The following SOS1 variants were observed in gnomAD, a reference collection of about 807,000 sequenced individuals.
SOS1 encodes the protein SOS Ras/Rac guanine nucleotide exchange factor 1.
Under a neutral mutation model 157.6 loss-of-function variants are expected in SOS1, and 25 were observed. That is an observed-to-expected ratio of 0.16 (90% confidence interval 0.12 to 0.22). The LOEUF is 0.22. Among genes scored for constraint, SOS1 ranks in the 10% least tolerant of loss-of-function variants. The pLI is 1.00. For synonymous variants in SOS1, 528 were observed against 534.0 expected, an observed-to-expected ratio of 0.99 and a Z score of 0.16; for missense variants, 1,237 against 1,599.1, an observed-to-expected ratio of 0.77 and a Z score of 3.86.
chr2:38,997,159 TTTTAC>T, intron 18 of SOS1, 89 bp downstream of exon 18: 1 of 1,138,440 alleles, frequency 8.8e-7, no homozygotes, highest in South Asian at 1.4e-5. Flanking sequence ...TTAAGGTTTA[TTTTAC>T]TTTTTCTCCC....
chr2:39,039,237 T>G (rs955991004), intron 6 of SOS1, among the ~76,000 whole-genome samples: 1 of 152,258 alleles, frequency 6.6e-6, no homozygotes, highest in Non-Finnish European at 1.5e-5. Flanking sequence ...ACTTGCTTTA[T>G]TGTGACATTC....
chr2:39,028,948 T>A (rs1558477492), intron 8 of SOS1, among the ~76,000 whole-genome samples: 1 of 152,254 alleles, frequency 6.6e-6, no homozygotes, highest in Non-Finnish European at 1.5e-5. Flanking sequence ...ACACTTGATT[T>A]ACTAGCCCTC....
chr2:39,101,950 G>GT (rs1558513806), intron 1 of SOS1, among the ~76,000 whole-genome samples: 1 of 151,964 alleles, frequency 6.6e-6, no homozygotes, highest in Non-Finnish European at 1.5e-5. Flanking sequence ...GCTCATGCCT[G>GT]TAATCCCAGC....
At chr2:39,001,391 C>G (rs1051982591) in intron 17 of SOS1, among the ~76,000 whole-genome samples, 6 of 152,188 alleles carry the variant, frequency 3.9e-5, no homozygotes, top group Non-Finnish European at 8.8e-5. Context: ...GCCCACCTAT[C>G]CATTCTCCTA....
chr2:39,087,447 C>T (rs1672420733), intron 1 of SOS1, among the ~76,000 whole-genome samples: 1 of 152,112 alleles, frequency 6.6e-6, no homozygotes, highest in African/African-American at 2.4e-5. Flanking sequence ...TGTCACAAAA[C>T]AATTAAACAC....
At chr2:38,987,392 G>A (rs1668588868) in intron 22 of SOS1, 81 bp downstream of exon 22, 2 of 751,794 alleles carry the variant, frequency 2.7e-6, no homozygotes, top group East Asian at 2.6e-5. Context: ...ACTTATCCTA[G>A]TGAGAACTAA....
At chr2:38,998,945 G>A (rs1422349810) in intron 17 of SOS1, among the ~76,000 whole-genome samples, 13 of 152,176 alleles carry the variant, frequency 8.5e-5, no homozygotes, top group Admixed American at 8.5e-4. Context: ...TGACCTCAGG[G>A]ATCCAGAGCT....
rs1010458513 is a variant in SOS1 at position 38,985,527 on chromosome 2, ATCACT to A, written c.*292_*296del. On this transcript the variant is annotated 3_prime_UTR_variant, in exon 23 of 23. Coordinates refer to ENST00000402219, the MANE Select transcript of SOS1 (RefSeq NM_005633.4). ...CCCTTTAATGATCACTTCACAAAAG[ATCACT>A]TCACAAAAAGAGGACTCCTGCCTAT... 2 of 380,564 alleles carry A rather than the reference ATCACT, an allele frequency of 5.3e-6. No homozygotes were observed. The highest frequency in any genetic ancestry group is 2.4e-5 in the South Asian group (1 of 40,960). The allele number at this position is 380,564 out of a possible 1,614,324, so 23.6% of individuals were successfully genotyped here.
chr2:39,076,548 A>C (rs1299983866), intron 1 of SOS1, among the ~76,000 whole-genome samples: 1 of 152,266 alleles, frequency 6.6e-6, no homozygotes, highest in Non-Finnish European at 1.5e-5. Flanking sequence ...TAAAAGGAGA[A>C]AAATGACAAT....
rs745490729 is a variant in SOS1, at chr2:39,035,312, T to TG, written c.976-3dup. 1.2e-6 allele frequency: 2 copies of TG among 1,612,710 alleles called. No individual in the cohort carries two copies. Among genetic ancestry groups the TG allele is most frequent in the African/African-American group, 2.7e-5 (2 of 74,862 alleles). ...TTCTTTGAAACCTTCGCCTATTGACTGGAAAAAAAAGTGATTTAATTTTTT... is the reference window on the plus strand; with the variant it reads ...TTCTTTGAAACCTTCGCCTATTGACTGGGAAAAAAAAGTGATTTAATTTTTT... On this transcript the variant is annotated splice_region_variant and splice_polypyrimidine_tract_variant and intron_variant, in intron 7 of 22. Transcript: ENST00000402219.
At chr2:39,046,464 T>TTTTA (rs1166637707) in intron 6 of SOS1, among the ~76,000 whole-genome samples, 3 of 151,822 alleles carry the variant, frequency 2.0e-5, no homozygotes, top group Admixed American at 6.6e-5. Context: ...CTTTCTAATT[T>TTTTA]TTTATTTATT....
chr2:39,122,556 T>C (rs1673932013), upstream of SOS1, among the ~76,000 whole-genome samples: 2 of 151,706 alleles, frequency 1.3e-5, no homozygotes, highest in African/African-American at 4.8e-5. Context: ...ACCATTTGAG[T>C]TCAGGAGTTT....
intron 1 of SOS1, among the ~76,000 whole-genome samples, chr2:39,111,312 G>A (rs989986615): frequency 5.9e-5 from 9 of 152,182 alleles, no homozygotes; most frequent in Admixed American, 1.3e-4. Context: ...TAATAAAATT[G>A]TAATAAAATG....
rs904487658 is a variant in SOS1 at position 39,024,007 on chromosome 2, C to T, written c.1202+3G>A. On this transcript the variant is annotated splice_donor_region_variant and intron_variant, in intron 9 of 22. Coordinates refer to ENST00000402219, the MANE Select transcript of SOS1 (RefSeq NM_005633.4). ...GGATATTTTAAAAAGTAAAAATATT[C>T]ACCTCAGTCTTCGTTTTGCAAGACT... is the stretch of plus-strand genomic sequence containing the variant. The T allele has an allele frequency of 1.9e-6, 3 of 1,590,884 alleles. No individual in the cohort carries two copies. Among genetic ancestry groups the T allele is most frequent in the African/African-American group, 2.7e-5 (2 of 74,414 alleles).
intron 6 of SOS1, among the ~76,000 whole-genome samples, chr2:39,043,257 GAAT>G (rs1319569087): frequency 1.3e-5 from 2 of 152,100 alleles, no homozygotes; most frequent in African/African-American, 2.4e-5. Flanking sequence ...TACTAAAGTA[GAAT>G]ACTACATTAA....
intron 17 of SOS1, among the ~76,000 whole-genome samples, chr2:39,001,233 T>C (rs1221987809): frequency 6.6e-6 from 1 of 152,182 alleles, no homozygotes; most frequent in Admixed American, 6.5e-5. Context: ...TGGCTAACTT[T>C]TGTATTTTTA....
At chr2:39,088,858 C>T (rs1672475834) in intron 1 of SOS1, among the ~76,000 whole-genome samples, 1 of 152,048 alleles carries the variant, frequency 6.6e-6, no homozygotes, top group Non-Finnish European at 1.5e-5. Flanking sequence ...TATAGTAATT[C>T]TATATTTAGT....
In SOS1 at chr2:38,983,115, T is replaced by C. The variant is rs945814948; in HGVS notation, c.*2709A>G. 16 of 152,192 alleles carry C rather than the reference T, an allele frequency of 1.1e-4. No homozygotes were observed. The highest frequency in any genetic ancestry group is 3.6e-4 in the African/African-American group (15 of 41,458). 9.4% of individuals were successfully genotyped at this position (152,192 alleles called of 1,614,324 possible). On this transcript the variant is annotated 3_prime_UTR_variant, in exon 23 of 23. Coordinates refer to ENST00000402219, the MANE Select transcript of SOS1 (RefSeq NM_005633.4). ...GAAATATTTTCATTTCTAAAAGAAA[T>C]GTTCCACATTTTGGAATGTGGTTAA...
intron 1 of SOS1, among the ~76,000 whole-genome samples, chr2:39,119,911 C>A (rs1336115510): frequency 1.3e-5 from 2 of 152,142 alleles, no homozygotes; most frequent in Admixed American, 1.3e-4. Context: ...TTTGAGCAAG[C>A]CTTACGGCCA....
Sources: gnomAD v4.1 joint callset for allele counts (sites outside exome capture counted in the v4.1 genomes callset) on GRCh38, gnomAD v4.1.1 for gene constraint, MANE v1.5 for transcripts, NCBI Gene and HGNC (gene_info 2026-07-23, HGNC 2026-07-21) for gene names.